Variants in MINPP1 observed in about 807,000 individuals in gnomAD.
MINPP1 encodes the protein multiple inositol polyphosphate phosphatase 1.
MINPP1 carries 28 observed loss-of-function variants against 46.1 expected under a neutral mutation model. That is an observed-to-expected ratio of 0.61 (90% CI 0.45 to 0.83). The LOEUF (loss-of-function observed/expected upper bound fraction) is 0.83. Among genes scored for constraint, MINPP1 ranks in the 40% least tolerant of loss-of-function variants. The pLI is 0.00. For missense variants in MINPP1, 603 were observed against 610.0 expected (o/e 0.99, Z 0.12); for synonymous variants, 268 against 249.1 (o/e 1.08, Z -0.72).
At chr10:87,547,212 G>C (rs1851900490) in intron 4 of MINPP1, among the ~76,000 whole-genome samples, 1 of 152,150 alleles carries the variant, frequency 6.6e-6, no homozygotes, top group Non-Finnish European at 1.5e-5. Flanking sequence ...CCTGGGTCAA[G>C]TGATTCTTCT....
intron 4 of MINPP1, among the ~76,000 whole-genome samples, chr10:87,533,090 C>G (rs1246920011): frequency 1.3e-5 from 2 of 151,126 alleles, no homozygotes; most frequent in Admixed American, 1.3e-4. Flanking sequence ...CTTTCACTTT[C>G]CCAAGTTCCC....
At chr10:87,529,076 A>G (rs1013942641) in intron 4 of MINPP1, among the ~76,000 whole-genome samples, 1 of 152,030 alleles carries the variant, frequency 6.6e-6, no homozygotes, top group African/African-American at 2.4e-5. Context: ...ATCTTCCACC[A>G]TCCCTTTATT....
intron 3 of MINPP1, 23 bp downstream of exon 3, chr10:87,513,244 C>G: frequency 6.3e-7 from 1 of 1,594,688 alleles, no homozygotes; most frequent in Non-Finnish European, 8.6e-7. Context: ...TTTGCAGTTT[C>G]TTTGCTTTTT....
At chr10:87,524,428 T>A (rs1166539178) in intron 4 of MINPP1, among the ~76,000 whole-genome samples, 1 of 152,232 alleles carries the variant, frequency 6.6e-6, no homozygotes, top group Non-Finnish European at 1.5e-5. Flanking sequence ...ACCAGAGCAC[T>A]GAAACTTTCT....
intron 4 of MINPP1, among the ~76,000 whole-genome samples, chr10:87,548,813 A>G (rs1250099638): frequency 6.6e-6 from 1 of 151,980 alleles, no homozygotes; most frequent in Non-Finnish European, 1.5e-5. Context: ...CTAGACCTTT[A>G]AGATATTGGG....
chr10:87,543,728 A>G lies in MINPP1; in HGVS notation c.1068-8354A>G, dbSNP rs1313281825. On this transcript the variant is annotated intron_variant, in intron 4 of 4. Transcript: ENST00000371996. ...TAAAAATAAATTTTTTAAAAAGAAA[A>G]CAAAGTTAGTTTTATGAGAGAAGGG... Among the ~76,000 whole-genome samples, 10 of 152,378 alleles carry G rather than the reference A, an allele frequency of 6.6e-5. No homozygotes were observed. The East Asian group carries it at 1.3e-3, about 21-fold the overall frequency.
At chr10:87,546,474 G>C (rs1022859111) in intron 4 of MINPP1, 3 of 152,238 alleles carry the variant, frequency 2.0e-5, no homozygotes, top group African/African-American at 7.2e-5. Context: ...CTTGTGACCT[G>C]TGTCTTGAGA....
Position 87,552,089 on chromosome 10 carries a change from C to T in MINPP1, c.1075C>T (p.Pro359Ser). Reference sequence around the variant, plus strand: ...CTTAATTTCTATTTGAAGGTCTCAGCCAATTTCTTCTCCAGTCATCCTCCA... The same window carrying T: ...CTTAATTTCTATTTGAAGGTCTCAGTCAATTTCTTCTCCAGTCATCCTCCA... ...KAVEQKQRSQ[P>S]ISSPVILQFG... is the part of the protein sequence containing the mutation. Residue 359 changes from proline (P) to serine (S), a missense_variant, in exon 5 of 5, where the codon CCA becomes TCA. Pro to Ser is a moderately conservative substitution (Grantham distance 74). Transcript: ENST00000371996. 2 of 1,611,652 alleles carry T rather than the reference C, an allele frequency of 1.2e-6. No homozygotes were observed. The highest frequency in any genetic ancestry group is 1.7e-6 in the Non-Finnish European group (2 of 1,178,556).
chr10:87,542,489 C>T (rs932241770), intron 4 of MINPP1, among the ~76,000 whole-genome samples: 34 of 151,966 alleles, frequency 2.2e-4, no homozygotes, highest in Admixed American at 1.2e-3. Flanking sequence ...TAGTAGAGAC[C>T]GGATTCCGCC....
chr10:87,509,644 T>A, intron 2 of MINPP1: 1 of 239,826 alleles, frequency 4.2e-6, no homozygotes, highest in Non-Finnish European at 8.9e-6. Context: ...CCAGTGGTAA[T>A]TGTTGTCATG....
intron 2 of MINPP1, among the ~76,000 whole-genome samples, chr10:87,509,486 G>A (rs1042928094): frequency 2.0e-5 from 3 of 152,122 alleles, no homozygotes; most frequent in Non-Finnish European, 4.4e-5. Context: ...ATTCAAACAC[G>A]AAGATAACAA....
chr10:87,540,525 A>T (rs1851800880), intron 4 of MINPP1, among the ~76,000 whole-genome samples: 1 of 134,996 alleles, frequency 7.4e-6, no homozygotes, highest in Non-Finnish European at 1.6e-5. Context: ...ACACACACAC[A>T]CTTTCTTACT....
At chr10:87,525,766 T>A (rs1045853528) in intron 4 of MINPP1, among the ~76,000 whole-genome samples, 11 of 152,240 alleles carry the variant, frequency 7.2e-5, no homozygotes, top group Admixed American at 7.2e-4. Context: ...TCAAGTGCTC[T>A]CATTGTTCAG....
rs758305031 is a variant in MINPP1 at position 87,505,155 on chromosome 10, G to A, written c.240G>A (p.Pro80=). ...DPELLEGTCT[P]VQLVALIRHG... is the part of the protein sequence containing the mutation. ...AGCTGCTGGAGGGGACCTGCACCCC[G>A]GTGCAGCTGGTCGCCCTCATTCGCC... The change falls in exon 1 of 5, where the codon CCG becomes CCA. Residue 80 remains proline, a synonymous_variant. Coordinates refer to ENST00000371996, the MANE Select transcript of MINPP1 (RefSeq NM_004897.5). The surrounding 1 kb of genome is among the most constrained non-coding windows in gnomAD (Gnocchi z 4.4). 1.2e-5 allele frequency: 19 copies of A among 1,610,222 alleles called. No individual in the cohort carries two copies. Among genetic ancestry groups the A allele is most frequent in the East Asian group, 2.2e-5 (1 of 44,800 alleles).
intron 3 of MINPP1, among the ~76,000 whole-genome samples, chr10:87,514,751 T>C (rs1490847477): frequency 6.6e-6 from 1 of 152,200 alleles, no homozygotes; most frequent in Non-Finnish European, 1.5e-5. Flanking sequence ...TGTCTCTCTC[T>C]GTTGCCCAGG....
At chr10:87,519,469 G>A (rs778364639) in intron 3 of MINPP1, among the ~76,000 whole-genome samples, 3 of 152,142 alleles carry the variant, frequency 2.0e-5, no homozygotes, top group Admixed American at 6.5e-5. Flanking sequence ...CATGTAATAT[G>A]TCATTTCCTT....
intron 4 of MINPP1, among the ~76,000 whole-genome samples, chr10:87,532,828 G>C (rs1251754955): frequency 6.6e-6 from 1 of 152,118 alleles, no homozygotes; most frequent in Admixed American, 6.5e-5. Flanking sequence ...GTAATTTTAG[G>C]TTCACAGCAA....
At chr10:87,544,419 T>A (rs1237245657) in intron 4 of MINPP1, among the ~76,000 whole-genome samples, 3 of 152,162 alleles carry the variant, frequency 2.0e-5, no homozygotes, top group Non-Finnish European at 2.9e-5. Flanking sequence ...TACTTAGACA[T>A]GATTAATTAA....
chr10:87,527,861 A>G (rs1177045022), intron 4 of MINPP1, among the ~76,000 whole-genome samples: 2 of 152,124 alleles, frequency 1.3e-5, no homozygotes, highest in African/African-American at 2.4e-5. Flanking sequence ...TTGGTAGGCT[A>G]TTAATTATTG....
Sources: allele counts gnomAD v4.1 joint callset (sites outside exome capture counted in the v4.1 genomes callset), GRCh38; gene constraint gnomAD v4.1.1; non-coding constraint Gnocchi (gnomAD v3.1); transcripts MANE v1.5; gene names NCBI Gene and HGNC (gene_info 2026-07-23, HGNC 2026-07-21).